The following FAAH2 variants were observed in gnomAD, a reference collection of about 807,000 sequenced individuals.
FAAH2 encodes fatty acid amide hydrolase 2, also known as fatty-acid amide hydrolase 2.
A neutral mutation model predicts 36.9 loss-of-function variants in FAAH2; 60 were observed. The observed-to-expected ratio is 1.63, with a 90% confidence interval of 1.32 to 2.02. FAAH2 has a LOEUF of 2.02. Ranked by LOEUF, FAAH2 falls within the 30% of genes most tolerant of loss-of-function variation. FAAH2 has a pLI of 0.00. For missense variants in FAAH2, 689 were observed against 397.5 expected, an observed-to-expected ratio of 1.73 and a Z score of -6.23; for synonymous variants, 214 against 143.8, an observed-to-expected ratio of 1.49 and a Z score of -3.49.
At chrX:57,236,044 A>G in the FAAH2 span, among the ~76,000 whole-genome samples, 15 of 111,988 alleles carry the variant, frequency 1.3e-4, no homozygotes, top group South Asian at 5.5e-3. Flanking sequence ...GCTACTCTTT[A>G]CTTCTGTGAG....
At chrX:57,157,668 C>G in the FAAH2 span, among the ~76,000 whole-genome samples, 1 of 111,632 alleles carries the variant, frequency 9.0e-6, no homozygotes, top group African/African-American at 3.3e-5. Flanking sequence ...TATGTTAAAA[C>G]CAAGTACTGT....
chrX:57,419,726 G>C (rs977884830), intron 7 of FAAH2, among the ~76,000 whole-genome samples: 8 of 111,799 alleles, frequency 7.2e-5, no homozygotes, highest in Admixed American at 3.8e-4. Context: ...AGTTTAATTA[G>C]ATCCCATTTG....
chrX:57,187,747 C>T, the FAAH2 span, among the ~76,000 whole-genome samples: 2 of 111,155 alleles, frequency 1.8e-5, no homozygotes, highest in Admixed American at 9.6e-5. Flanking sequence ...TGCATCAATA[C>T]CTAGTTTTTT....
At chrX:57,404,585 A>G (rs1390523528) in intron 7 of FAAH2, among the ~76,000 whole-genome samples, 1 of 111,739 alleles carries the variant, frequency 8.9e-6, no homozygotes, top group Non-Finnish European at 1.9e-5. Flanking sequence ...GAGGGACACC[A>G]GCGACAAGAC....
chrX:57,303,559 A>G (rs915288185), intron 2 of FAAH2, among the ~76,000 whole-genome samples: 11 of 111,979 alleles, frequency 9.8e-5, no homozygotes, highest in Admixed American at 3.8e-4. Context: ...TAAATAACAA[A>G]GCATGTAGAT....
the FAAH2 span, among the ~76,000 whole-genome samples, chrX:57,157,494 T>C: frequency 9.0e-6 from 1 of 111,642 alleles, no homozygotes; most frequent in Admixed American, 9.5e-5. Context: ...CATTCCACTG[T>C]GACAAGGTGG....
chrX:57,389,096 A>T (rs1185107951), intron 7 of FAAH2, among the ~76,000 whole-genome samples: 1 of 107,191 alleles, frequency 9.3e-6, no homozygotes, highest in African/African-American at 3.4e-5. Context: ...CATGTTTTCT[A>T]TTCAATTAGG....
the FAAH2 span, among the ~76,000 whole-genome samples, chrX:57,272,921 G>A: frequency 6.3e-5 from 7 of 111,871 alleles, no homozygotes; most frequent in East Asian, 2.8e-4. Context: ...AATATTAACC[G>A]TAAATGGAAA....
intron 2 of FAAH2, among the ~76,000 whole-genome samples, chrX:57,303,855 C>T (rs988123382): frequency 2.7e-5 from 3 of 111,994 alleles, no homozygotes; most frequent in Non-Finnish European, 5.6e-5. Context: ...TGAATCCTTA[C>T]CTCTAATTTA....
intron 7 of FAAH2, among the ~76,000 whole-genome samples, chrX:57,418,449 C>T (rs2055906075): frequency 1.8e-5 from 2 of 111,141 alleles, no homozygotes; most frequent in African/African-American, 6.5e-5. Context: ...TCCCTCATGG[C>T]ACAGTCCCTT....
chrX:57,328,376 A>T (rs948617881), intron 3 of FAAH2, among the ~76,000 whole-genome samples: 1 of 110,988 alleles, frequency 9.0e-6, no homozygotes, highest in Non-Finnish European at 1.9e-5. Context: ...TTTTCATGAA[A>T]TTTTTATAGT....
chrX:57,232,615 G>A, the FAAH2 span, among the ~76,000 whole-genome samples: 20 of 112,117 alleles, frequency 1.8e-4, no homozygotes, highest in African/African-American at 6.1e-4. Flanking sequence ...AGGCTCTCTA[G>A]TCTCTCTCGT....
chrX:57,277,664 T>C, the FAAH2 span, among the ~76,000 whole-genome samples: 7,843 of 111,375 alleles, frequency 0.07, 684 homozygotes, highest in African/African-American at 0.24. Flanking sequence ...GATTGTATAT[T>C]TAGAAAACCC....
chrX:57,403,078 G>T (rs990207703), intron 7 of FAAH2, among the ~76,000 whole-genome samples: 14 of 111,644 alleles, frequency 1.3e-4, no homozygotes, highest in African/African-American at 4.2e-4. Context: ...ATTTACCTAG[G>T]TCTATTATAA....
upstream of FAAH2, among the ~76,000 whole-genome samples, chrX:57,282,756 C>A (rs954939446): frequency 8.9e-6 from 1 of 111,791 alleles, no homozygotes; most frequent in Non-Finnish European, 1.9e-5. Context: ...TTAATAGGTA[C>A]GCTCTTGCTT....
chrX:57,184,749 A>G, the FAAH2 span, among the ~76,000 whole-genome samples: 2 of 112,392 alleles, frequency 1.8e-5, no homozygotes, highest in Non-Finnish European at 3.8e-5. Flanking sequence ...TTATTTCATT[A>G]GCAAGTATAT....
At chrX:57,476,841 G>A (rs1317896939) in intron 10 of FAAH2, among the ~76,000 whole-genome samples, 1 of 109,013 alleles carries the variant, frequency 9.2e-6, no homozygotes, top group Non-Finnish European at 1.9e-5. Context: ...GATGTTCTTG[G>A]ACTTTTTTTT....
At chrX:57,185,446 T>C in the FAAH2 span, among the ~76,000 whole-genome samples, 19 of 110,316 alleles carry the variant, frequency 1.7e-4, no homozygotes, top group African/African-American at 6.3e-4. Flanking sequence ...AGAAATCCAT[T>C]GTGTAGAAGT....
chrX:57,280,674 G>C, the FAAH2 span, among the ~76,000 whole-genome samples: 1 of 109,272 alleles, frequency 9.2e-6, no homozygotes, highest in Non-Finnish European at 1.9e-5. Context: ...CACTAAAAAT[G>C]CATCTACCAT....
Sources: gnomAD v4.1 joint callset for allele counts (sites outside exome capture counted in the v4.1 genomes callset) on GRCh38, gnomAD v4.1.1 for gene constraint, MANE v1.5 for transcripts, NCBI Gene and HGNC (gene_info 2026-07-23, HGNC 2026-07-21) for gene names.